DLGAP2: variants seen among roughly 807,000 people sequenced by gnomAD.
DLGAP2 encodes the protein DLG associated protein 2.
A neutral mutation model predicts 100.3 loss-of-function variants in DLGAP2; 26 were observed. The observed-to-expected ratio is 0.26, with a 90% CI of 0.19 to 0.36. The LOEUF (loss-of-function observed/expected upper bound fraction) is 0.36. Among genes scored for constraint, DLGAP2 ranks in the 10% least tolerant of loss-of-function variants. The pLI is 1.00. For synonymous variants in DLGAP2, 886 were observed against 630.1 expected, an observed-to-expected ratio of 1.41 and a Z score of -6.08; for missense variants, 1,858 against 1,453.2, an observed-to-expected ratio of 1.28 and a Z score of -4.53.
intron 3 of DLGAP2, among the ~76,000 whole-genome samples, chr8:1,259,995 A>G (rs1799313588): frequency 6.6e-6 from 1 of 152,170 alleles, no homozygotes; most frequent in African/African-American, 2.4e-5. Flanking sequence ...TTTATGCAAA[A>G]CATCAGACTT....
At chr8:1,225,653 C>A (rs1798398974) in intron 2 of DLGAP2, among the ~76,000 whole-genome samples, 4 of 152,164 alleles carry the variant, frequency 2.6e-5, no homozygotes, top group Admixed American at 2.6e-4. Flanking sequence ...AATTTGGTAT[C>A]TTAGGTGAAA....
chr8:1,355,865 C>G (rs77940851), intron 3 of DLGAP2, among the ~76,000 whole-genome samples: 1,946 of 152,222 alleles, frequency 0.013, 50 homozygotes, highest in African/African-American at 0.045. Context: ...TCACTCCTAC[C>G]CTAGGGTCCC....
intron 3 of DLGAP2, among the ~76,000 whole-genome samples, chr8:1,451,680 C>T (rs1271441210): frequency 6.6e-6 from 1 of 152,154 alleles, no homozygotes; most frequent in African/African-American, 2.4e-5. Context: ...CCCCAGCAGC[C>T]CCTTCTCAGC....
intron 2 of DLGAP2, among the ~76,000 whole-genome samples, chr8:1,103,870 C>A (rs191597843): frequency 7.9e-5 from 12 of 152,256 alleles, no homozygotes; most frequent in African/African-American, 2.2e-4. Context: ...GAAATCAGTT[C>A]GAGGGGTCCC....
intron 1 of DLGAP2, among the ~76,000 whole-genome samples, chr8:860,124 T>G (rs1797361441): frequency 6.6e-6 from 1 of 152,212 alleles, no homozygotes; most frequent in East Asian, 1.9e-4. Context: ...TTTTTGGCCT[T>G]TTTGGTTTTT....
At chr8:1,192,918 C>G (rs184035086) in intron 2 of DLGAP2, among the ~76,000 whole-genome samples, 2 of 151,710 alleles carry the variant, frequency 1.3e-5, no homozygotes, top group African/African-American at 4.8e-5. Context: ...TGAGAACATG[C>G]GGTGTTTGGT....
chr8:798,889 G>C (rs534091198), intron 1 of DLGAP2, among the ~76,000 whole-genome samples: 9 of 152,388 alleles, frequency 5.9e-5, no homozygotes, highest in African/African-American at 2.2e-4. Flanking sequence ...CGCCAGCCAG[G>C]TGACGGGTGC....
chr8:886,212 C>A (rs7008278), intron 1 of DLGAP2, among the ~76,000 whole-genome samples: 16 of 151,828 alleles, frequency 1.1e-4, no homozygotes, highest in Non-Finnish European at 1.5e-5. Flanking sequence ...ATTCTCTGAT[C>A]GTAGTTTGTA....
At chr8:1,432,629 A>ATG (rs1797484186) in intron 3 of DLGAP2, among the ~76,000 whole-genome samples, 3 of 152,176 alleles carry the variant, frequency 2.0e-5, no homozygotes, top group Admixed American at 1.3e-4. Context: ...TTAATTGTAA[A>ATG]AACACATTTG....
intron 5 of DLGAP2, among the ~76,000 whole-genome samples, chr8:1,564,494 A>G (rs758575046): frequency 6.6e-6 from 1 of 152,214 alleles, no homozygotes; most frequent in Non-Finnish European, 1.5e-5. Flanking sequence ...AGTCAGATAC[A>G]CAGCACAGGG....
chr8:1,692,538 C>G (rs1799279789), intron 13 of DLGAP2, among the ~76,000 whole-genome samples: 1 of 152,142 alleles, frequency 6.6e-6, no homozygotes. Flanking sequence ...CGGGCTGCAG[C>G]AGCGCGGCGT....
intron 1 of DLGAP2, among the ~76,000 whole-genome samples, chr8:814,562 T>G (rs1233370498): frequency 2.6e-5 from 4 of 152,020 alleles, no homozygotes; most frequent in Non-Finnish European, 5.9e-5. Flanking sequence ...AAAACAAGAA[T>G]AGGTAGTTTT....
At chr8:1,600,849 C>A (rs1413832434) in intron 6 of DLGAP2, among the ~76,000 whole-genome samples, 1 of 151,638 alleles carries the variant, frequency 6.6e-6, no homozygotes, top group Non-Finnish European at 1.5e-5. Context: ...AGTTTATTAC[C>A]CACTTTCTGA....
At chr8:773,105 G>C (rs1343494562) in intron 1 of DLGAP2, among the ~76,000 whole-genome samples, 1 of 152,180 alleles carries the variant, frequency 6.6e-6, no homozygotes, top group Non-Finnish European at 1.5e-5. Context: ...CTGGAGCCTG[G>C]GAGGCCTGAA....
intron 3 of DLGAP2, among the ~76,000 whole-genome samples, chr8:1,469,007 A>G (rs1798707641): frequency 6.6e-6 from 1 of 152,160 alleles, no homozygotes. Context: ...TGCAAAGACC[A>G]AGGTCAGAGT....
chr8:829,288 G>C (rs1796738940), intron 1 of DLGAP2, among the ~76,000 whole-genome samples: 1 of 152,154 alleles, frequency 6.6e-6, no homozygotes, highest in Admixed American at 6.5e-5. Context: ...TTCTAGTTCA[G>C]ATTTGTCAGT....
intron 4 of DLGAP2, among the ~76,000 whole-genome samples, chr8:1,530,922 T>C (rs900642768): frequency 2.0e-5 from 3 of 152,254 alleles, no homozygotes; most frequent in Non-Finnish European, 2.9e-5. Flanking sequence ...TGATCTGGTC[T>C]ATCAGGAATT....
At chr8:1,141,421 G>A (rs569907790) in intron 2 of DLGAP2, among the ~76,000 whole-genome samples, 19 of 151,988 alleles carry the variant, frequency 1.3e-4, no homozygotes, top group Non-Finnish European at 2.5e-4. Context: ...AAACTCACGG[G>A]CACGTGAATC....
At chr8:1,637,438 C>T (rs1453262662) in intron 8 of DLGAP2, among the ~76,000 whole-genome samples, 2 of 151,934 alleles carry the variant, frequency 1.3e-5, no homozygotes, top group African/African-American at 4.8e-5. Flanking sequence ...AGATGCATAG[C>T]CTCAGGTCAT....
Sources: gnomAD v4.1 joint callset for allele counts (sites outside exome capture counted in the v4.1 genomes callset) on GRCh38, gnomAD v4.1.1 for gene constraint, MANE v1.5 for transcripts, NCBI Gene and HGNC (gene_info 2026-07-23, HGNC 2026-07-21) for gene names.